FAM199X: variants seen among roughly 807,000 people sequenced by gnomAD.
FAM199X encodes family with sequence similarity 199, X-linked.
A neutral mutation model predicts 22.9 loss-of-function variants in FAM199X; 4 were observed. The observed-to-expected ratio is 0.17, with a 90% CI of 0.09 to 0.40. The LOEUF (loss-of-function observed/expected upper bound fraction) is 0.40. Ranked by LOEUF, FAM199X falls within the 10% of genes least tolerant of loss-of-function variation. The probability of loss-of-function intolerance (pLI) is 1.00; values close to 1 mark genes in which losing one functional copy is unlikely to be tolerated. For synonymous variants in FAM199X, 101 were observed against 112.3 expected (o/e 0.90, Z 0.64); for missense variants, 183 against 306.8 (o/e 0.60, Z 3.01).
intron 2 of FAM199X, among the ~76,000 whole-genome samples, chrX:104,182,544 T>C (rs1464050121): frequency 9.0e-6 from 1 of 111,593 alleles, no homozygotes; most frequent in African/African-American, 3.3e-5. Context: ...TTCAAATCCC[T>C]AGCACTGATT....
the FAM199X span, among the ~76,000 whole-genome samples, chrX:104,159,063 C>CA: frequency 8.9e-6 from 1 of 112,058 alleles, no homozygotes; most frequent in Non-Finnish European, 1.9e-5. Flanking sequence ...TTAATTTTCT[C>CA]CATTATTTCT....
At chrX:104,166,094 C>T (rs1921170054), upstream of FAM199X, among the ~76,000 whole-genome samples, 1 of 112,449 alleles carries the variant, frequency 8.9e-6, no homozygotes, top group Non-Finnish European at 1.9e-5. Context: ...GCTGGGCACA[C>T]ACTGCAGGAG....
rs1556379031 is a variant in FAM199X at position 104,186,066 on chromosome X, T to C, written c.418T>C (p.Leu140=). The change falls in exon 3 of 6, where the codon TTA becomes CTA. Residue 140 remains leucine, a splice_region_variant and synonymous_variant. Coordinates refer to ENST00000493442, the MANE Select transcript of FAM199X (RefSeq NM_207318.4). ...DWSDSEFEWQ[L]PGSDIASGSD... is the part of the protein sequence containing the mutation. ...CCACACCCTCCTTATTTTTATAAAG[T>C]TACCAGGCAGTGACATTGCCAGTGG... 2 of 1,204,801 alleles carry C rather than the reference T, an allele frequency of 1.7e-6. No individual in the cohort carries two copies. Among genetic ancestry groups the C allele is most frequent in the Non-Finnish European group, 2.2e-6 (2 of 893,084 alleles).
rs1922006450 is a variant in FAM199X at position 104,194,219 on chromosome X, A to G, written c.*4441A>G. On this transcript the variant is annotated 3_prime_UTR_variant, in exon 6 of 6. Transcript: ENST00000493442. Reference sequence around the variant, plus strand: ...TTGTTTGATCTTCTCTAAATTCTGTATGTAGTACTTTTTTTAATTGTCACA... The same window carrying G: ...TTGTTTGATCTTCTCTAAATTCTGTGTGTAGTACTTTTTTTAATTGTCACA... The G allele has an allele frequency of 2.7e-5, 3 of 111,442 alleles. No homozygotes were observed. In the South Asian group the frequency reaches 1.1e-3, roughly 41 times the overall value. 9.2% of individuals were successfully genotyped at this position (111,442 alleles called of 1,213,427 possible).
At chrX:104,161,254 G>T in the FAM199X span, among the ~76,000 whole-genome samples, 1 of 111,938 alleles carries the variant, frequency 8.9e-6, no homozygotes, top group Admixed American at 9.5e-5. Flanking sequence ...TTTCTGAAAA[G>T]CCCTTTCTAC....
At chrX:104,168,090 C>T (rs1275951774) in intron 1 of FAM199X, among the ~76,000 whole-genome samples, 7 of 112,032 alleles carry the variant, frequency 6.2e-5, no homozygotes, top group Non-Finnish European at 1.3e-4. Context: ...GAATGAGCTT[C>T]TACCAGATAC....
intron 1 of FAM199X, among the ~76,000 whole-genome samples, chrX:104,175,079 T>C (rs1235393244): frequency 1.8e-5 from 2 of 112,047 alleles, no homozygotes; most frequent in African/African-American, 6.5e-5. Context: ...GTGTATGCAT[T>C]CTCATGTGAT....
chrX:104,187,244 C>T (rs782516803), intron 4 of FAM199X, among the ~76,000 whole-genome samples: 1 of 110,272 alleles, frequency 9.1e-6, no homozygotes, highest in Admixed American at 9.7e-5. Context: ...CCAACGCACC[C>T]GGCTAATTTT....
chrX:104,188,437 G>A (rs1921856038), intron 5 of FAM199X, 131 bp downstream of exon 5: 1 of 792,924 alleles, frequency 1.3e-6, no homozygotes, highest in African/African-American at 2.1e-5. Context: ...AATTGAACAA[G>A]CAGGATGCTC....
chrX:104,173,290 G>A (rs782739420), intron 1 of FAM199X, among the ~76,000 whole-genome samples: 2 of 111,769 alleles, frequency 1.8e-5, no homozygotes, highest in South Asian at 3.7e-4. Context: ...TTCACCTAGC[G>A]AGCATGTGAT....
chrX:104,172,994 A>G (rs1322371956), intron 1 of FAM199X, among the ~76,000 whole-genome samples: 2 of 111,679 alleles, frequency 1.8e-5, no homozygotes, highest in Non-Finnish European at 3.8e-5. Flanking sequence ...GTTTTGAGAT[A>G]AGGCCTTGCT....
At chrX:104,184,735 C>T (rs1201411321) in intron 2 of FAM199X, among the ~76,000 whole-genome samples, 3 of 110,569 alleles carry the variant, frequency 2.7e-5, no homozygotes, top group African/African-American at 9.9e-5. Flanking sequence ...ACTTCTGGTT[C>T]TTAAAGTGTT....
chrX:104,187,942 A>T (rs1921845728), intron 4 of FAM199X, 98 bp from the exon 5 acceptor site: 1 of 1,028,412 alleles, frequency 9.7e-7, no homozygotes, highest in Admixed American at 2.6e-5. Flanking sequence ...CACTTTTGAC[A>T]GTCTTTTAGA....
chrX:104,183,362 A>C (rs1921711157), intron 2 of FAM199X, among the ~76,000 whole-genome samples: 1 of 110,836 alleles, frequency 9.0e-6, no homozygotes, highest in South Asian at 3.8e-4. Context: ...GATGGTATTC[A>C]TATGTGCATT....
chrX:104,158,674 A>G, the FAM199X span, among the ~76,000 whole-genome samples: 10 of 111,745 alleles, frequency 8.9e-5, no homozygotes, highest in African/African-American at 2.6e-4. Context: ...GGTACCCAGG[A>G]TGTTGTTATT....
Position 104,194,061 on chromosome X carries a change from T to G in FAM199X, c.*4283T>G, listed in dbSNP as rs1366777162. On this transcript the variant is annotated 3_prime_UTR_variant, in exon 6 of 6. Transcript: ENST00000493442. ...CACTGAAATTTTATTTTCTTATTTT[T>G]TTAACATTAAAATTATTTCTTTTTG... 5.4e-5 allele frequency: 6 copies of G among 111,828 alleles called. No homozygotes were observed. The highest frequency in any genetic ancestry group is 9.4e-5 in the Non-Finnish European group (5 of 52,962). 9.2% of individuals were successfully genotyped at this position (111,828 alleles called of 1,213,427 possible).
rs1450405874 is a variant in FAM199X at position 104,195,310 on chromosome X, AGAG to A, written c.*5536_*5538del. On this transcript the variant is annotated 3_prime_UTR_variant, in exon 6 of 6. Coordinates refer to ENST00000493442, the MANE Select transcript of FAM199X (RefSeq NM_207318.4). The stretch of plus-strand genomic sequence containing the variant: ...GCTCTATCCCAGAATATTTACCAAC[AGAG>A]GAGAACTGCTCCCTTTTCTGTTTCT... 6 of 111,716 alleles carry A rather than the reference AGAG, an allele frequency of 5.4e-5. No individual in the cohort carries two copies. In the East Asian group the frequency reaches 1.1e-3, roughly 21 times the overall value. The allele number at this position is 111,716 out of a possible 1,213,427, so 9.2% of individuals were successfully genotyped here.
chrX:104,173,800 A>T (rs782333956), intron 1 of FAM199X, among the ~76,000 whole-genome samples: 1 of 112,098 alleles, frequency 8.9e-6, no homozygotes, highest in African/African-American at 3.2e-5. Flanking sequence ...CCAAAAAAAG[A>T]TCCAACCAAA....
chrX:104,184,191 T>C (rs1602520478), intron 2 of FAM199X, among the ~76,000 whole-genome samples: 2 of 112,496 alleles, frequency 1.8e-5, no homozygotes, highest in East Asian at 5.6e-4. Context: ...TTAACACTGC[T>C]TTGAATCCCC....
Sources: allele counts gnomAD v4.1 joint callset (sites outside exome capture counted in the v4.1 genomes callset), GRCh38; gene constraint gnomAD v4.1.1; transcripts MANE v1.5; gene names NCBI Gene and HGNC (gene_info 2026-07-23, HGNC 2026-07-21).